DCHS1: variants seen among roughly 807,000 people sequenced by gnomAD.
DCHS1 encodes the protein protocadherin-16.
Under a neutral mutation model 213.9 loss-of-function variants are expected in DCHS1, and 78 were observed. The ratio of observed to expected loss-of-function variants is 0.36; its 90% CI spans 0.30 to 0.44. DCHS1 has a LOEUF of 0.44. Among genes scored for constraint, DCHS1 ranks in the 20% least tolerant of loss-of-function variants. DCHS1 has a pLI of 1.00. For synonymous variants in DCHS1, 1,828 were observed against 1,873.7 expected (o/e 0.98, Z 0.63); for missense variants, 3,946 against 4,395.9 (o/e 0.90, Z 2.89).
At chr11:6,637,060 G>GT (rs1349171535) in intron 2 of DCHS1, among the ~76,000 whole-genome samples, 5 of 152,270 alleles carry the variant, frequency 3.3e-5, no homozygotes, top group Admixed American at 3.3e-4. Context: ...CAGGGATTAA[G>GT]TAAGTCCTCA....
chr11:6,625,531 G>C lies in DCHS1; in HGVS notation c.6863-50C>G, dbSNP rs1425619862. The C allele has an allele frequency of 6.2e-7, 1 of 1,610,858 alleles. No homozygotes were observed. The highest frequency in any genetic ancestry group is 2.2e-5 in the East Asian group (1 of 44,882). On this transcript the variant is annotated intron_variant, in intron 18 of 20. Transcript: ENST00000299441. The surrounding 1 kb of genome is among the most constrained non-coding windows in gnomAD (Gnocchi z 5.3). ...TTGGCAATGGACACAGCCCCACCTT[G>C]AGCTGCAGGGTGGAGAAAAATGTCT...
At chr11:6,652,832 G>T (rs1052682449) in intron 1 of DCHS1, among the ~76,000 whole-genome samples, 3 of 152,118 alleles carry the variant, frequency 2.0e-5, no homozygotes, top group Non-Finnish European at 4.4e-5. Context: ...CACCATGTCT[G>T]CTTTGTCACT....
rs749130997 is a variant in DCHS1 at position 6,632,730 on chromosome 11, G to C, written c.2782C>G (p.Arg928Gly). The C allele has an allele frequency of 1.2e-6, 2 of 1,607,446 alleles. No homozygotes were observed. Among genetic ancestry groups the C allele is most frequent in the Admixed American group, 1.7e-5 (1 of 58,902 alleles). ...CCAGCAAGCAGGGTAAAGGTGACTC[G>C]ACTGTTAACACCTGAGTCGGGGTCA... ...ALDPDSGVNS[R>G]VTFTLLAGGG... Residue 928 changes from arginine (R) to glycine (G), a missense_variant, in exon 6 of 21, where the codon CGA becomes GGA. By Grantham distance (125) the Arg-to-Gly change is moderately radical (BLOSUM62 -2). This residue lies in a region of DCHS1 where 3,384 missense variants were observed against 3,780.1 expected (regional missense o/e 0.90). Transcript: ENST00000299441. The surrounding 1 kb of genome is among the most constrained non-coding windows in gnomAD (Gnocchi z 5.9).
chr11:6,623,821 C>G lies in DCHS1; in HGVS notation c.7855G>C (p.Ala2619Pro), dbSNP rs745847896. ...VTVPEDTPVG[A>P]ELLHVEASDA... ...GAGGCCTCTACATGCAGCAGCTCAG[C>G]TCCAACAGGTGTGTCCTCAGGTACT... Residue 2619 changes from alanine (A) to proline (P), a missense_variant, in exon 21 of 21, where the codon GCT becomes CCT. This residue lies in a region of DCHS1 where 3,384 missense variants were observed against 3,780.1 expected (regional missense o/e 0.90). Transcript: ENST00000299441. 2 of 1,613,736 alleles carry G rather than the reference C, an allele frequency of 1.2e-6. No homozygotes were observed. Among genetic ancestry groups the G allele is most frequent in the East Asian group, 4.5e-5 (2 of 44,882 alleles).
At chr11:6,624,940 G>C (rs2134614798) in intron 19 of DCHS1, 72 bp from the exon 20 acceptor site, 2 of 1,588,678 alleles carry the variant, frequency 1.3e-6, no homozygotes, top group East Asian at 2.3e-5. Flanking sequence ...CTGTTCTGGA[G>C]CTTGGTTCCT....
Position 6,641,562 on chromosome 11 carries a change from TG to T in DCHS1, c.51del (p.Arg18GlyfsTer43). The T allele has an allele frequency of 6.4e-7, 1 of 1,551,160 alleles. No homozygotes were observed. The highest frequency in any genetic ancestry group is 8.7e-7 in the Non-Finnish European group (1 of 1,147,228). Reference sequence around the variant, plus strand: ...AGCAATGGTAGCAGGAGGTGGGGCCTGGGGCTCTTCATGCCAGGGCAGGAAG... The same window carrying T: ...AGCAATGGTAGCAGGAGGTGGGGCCTGGGCTCTTCATGCCAGGGCAGGAAG... ...IVPSCPGMKSPRPHLLLPLLL... is the reference protein window; with the variant it reads ...IVPSCPGMKSXRPHLLLPLLL... On this transcript the variant is annotated frameshift_variant, in exon 2 of 21. Transcript: ENST00000299441. LOFTEE classifies it high-confidence loss of function. This position sits in a 1 kb window ranked among gnomAD's most constrained non-coding sequence, Gnocchi z 7.1.
chr11:6,626,743 A>C lies in DCHS1; in HGVS notation c.6250+46T>G, dbSNP rs532592410. The stretch of plus-strand genomic sequence containing the variant: ...GGGGACATTTTCAAAGCACAACCCC[A>C]GCCCATTTGGGAGTCTGAATCTGGA... On this transcript the variant is annotated intron_variant, in intron 14 of 20. Coordinates refer to ENST00000299441, the MANE Select transcript of DCHS1 (RefSeq NM_003737.4). This position sits in a 1 kb window ranked among gnomAD's most constrained non-coding sequence, Gnocchi z 5.2. 3 of 1,609,952 alleles carry C rather than the reference A, an allele frequency of 1.9e-6. No homozygotes were observed. The highest frequency in any genetic ancestry group is 1.3e-5 in the African/African-American group (1 of 75,000).
Position 6,641,119 on chromosome 11 carries a change from C to T in DCHS1, c.495G>A (p.Glu165=), listed in dbSNP as rs1370618525. 2.5e-6 allele frequency: 4 copies of T among 1,613,934 alleles called. No individual in the cohort carries two copies. The highest frequency in any genetic ancestry group is 2.2e-5 in the East Asian group (1 of 44,888). Residue 165 remains glutamate, a synonymous_variant, in exon 2 of 21, where the codon GAG becomes GAA. Transcript: ENST00000299441. This position sits in a 1 kb window ranked among gnomAD's most constrained non-coding sequence, Gnocchi z 7.1. The part of the protein sequence containing the change: ...HTAFGTRYPL[E]PARDADAGRL... Reference sequence around the variant, plus strand: ...GCCCAGCATCTGCATCACGAGCAGGCTCCAGTGGGTAGCGGGTGCCAAAAG... The same window carrying T: ...GCCCAGCATCTGCATCACGAGCAGGTTCCAGTGGGTAGCGGGTGCCAAAAG...
rs1197372915 is a variant in DCHS1, at chr11:6,626,558, T to C, written c.6358A>G (p.Ser2120Gly). The C allele has an allele frequency of 6.2e-7, 1 of 1,613,824 alleles. No homozygotes were observed. Among genetic ancestry groups the C allele is most frequent in the African/African-American group, 1.3e-5 (1 of 74,914 alleles). Residue 2120 changes from serine to glycine, a missense_variant, in exon 15 of 21, where the codon AGT becomes GGT. By Grantham distance (56) the Ser-to-Gly change is moderately conservative (BLOSUM62 0). This residue lies in a region of DCHS1 where 3,384 missense variants were observed against 3,780.1 expected (regional missense o/e 0.90). Coordinates refer to ENST00000299441, the MANE Select transcript of DCHS1 (RefSeq NM_003737.4). This position sits in a 1 kb window ranked among gnomAD's most constrained non-coding sequence, Gnocchi z 5.2. ...CCCTGCTCCTATTTCTTACCTGTAC[T>C]AGGCTGGATGGAGAATGTCCCTTTC... ...NEKGTFSIQP[S>G]TGAITVRSAE...
Position 6,624,798 on chromosome 11 carries a change from C to G in DCHS1, c.7217G>C (p.Gly2406Ala). The G allele has an allele frequency of 1.9e-6, 3 of 1,613,906 alleles. No homozygotes were observed. In the South Asian group the frequency reaches 3.3e-5, roughly 18 times the overall value. The change falls in exon 20 of 21, where the codon GGT (glycine) becomes GCT (alanine). Residue 2406 changes from glycine (G) to alanine (A), a missense_variant. Transcript: ENST00000299441. ...GTGGTAGGAAATGTGACCGTTGGCA[C>G]CTGAGTCCCGATCAGTGGCAGAGAC... Reference protein sequence around the residue: ...LSVSATDRDSGANGHISYHLA... With the variant: ...LSVSATDRDSAANGHISYHLA...
At position 6,641,219 on chromosome 11, in the gene DCHS1, C is replaced by T. The variant is rs771891400; in HGVS notation, c.395G>A (p.Arg132Gln). ...PDGATVEVTV[R>Q]VADINDHAPA... ...AGCATGGTCGTTGATGTCAGCCACT[C>T]GCACTGTAACTTCTACGGTGGCACC... The change falls in exon 2 of 21, where the codon CGA becomes CAA. Residue 132 changes from arginine (R) to glutamine (Q), a missense_variant. Physicochemically the swap from Arg to Gln is conservative, Grantham distance 43. Around this residue, in one of 3 missense-constraint regions of DCHS1, gnomAD observed 3,384 missense variants for 3,780.1 expected, o/e 0.90. Coordinates refer to ENST00000299441, the MANE Select transcript of DCHS1 (RefSeq NM_003737.4). This position sits in a 1 kb window ranked among gnomAD's most constrained non-coding sequence, Gnocchi z 7.1. 3.7e-6 allele frequency: 6 copies of T among 1,613,734 alleles called. No individual in the cohort carries two copies. The South Asian group carries it at 5.5e-5, about 15-fold the overall frequency.
At position 6,627,351 on chromosome 11, in the gene DCHS1, G is replaced by A. The variant is rs367857980; in HGVS notation, c.5688C>T (p.Ala1896=). 430 of 1,607,792 alleles carry A rather than the reference G, an allele frequency of 2.7e-4. No homozygotes were observed. The highest frequency in any genetic ancestry group is 2.7e-4 in the Non-Finnish European group (316 of 1,177,270). Residue 1896 remains alanine, a synonymous_variant, in exon 14 of 21, where the codon GCC becomes GCT. Transcript: ENST00000299441. This position sits in a 1 kb window ranked among gnomAD's most constrained non-coding sequence, Gnocchi z 5.4. ...ANGHVTYYLG[A]GTAGAFLLEP... ...CCAGCAGGAAGGCTCCTGCTGTACC[G>A]GCGCCCAGGTAGTAGGTCACATGGC...
At position 6,622,214 on chromosome 11, in the gene DCHS1, C is replaced by G. The variant is rs1350816071; in HGVS notation, c.9462G>C (p.Glu3154Asp). The change falls in exon 21 of 21, where the codon GAG becomes GAC. Residue 3154 changes from glutamate (E) to aspartate (D), a missense_variant. By Grantham distance (45) the Glu-to-Asp change is conservative (BLOSUM62 2). This residue lies in a region of DCHS1 where 554 missense variants were observed against 590.2 expected (regional missense o/e 0.94). Transcript: ENST00000299441. The surrounding 1 kb of genome is among the most constrained non-coding windows in gnomAD (Gnocchi z 5.4). ...AGTTATAGCTGCCACGGAGCTCCTCCTCGCCGGCCACAATGGCTGTCAGCG... is the reference window on the plus strand; with the variant it reads ...AGTTATAGCTGCCACGGAGCTCCTCGTCGCCGGCCACAATGGCTGTCAGCG... Reference protein sequence around the residue: ...AGALTAIVAGEEELRGSYNWD... With the variant: ...AGALTAIVAGDEELRGSYNWD... The G allele has an allele frequency of 6.2e-7, 1 of 1,601,316 alleles. No individual in the cohort carries two copies.
intron 1 of DCHS1, among the ~76,000 whole-genome samples, chr11:6,649,528 T>G: frequency 2.7e-5 from 4 of 148,560 alleles, no homozygotes; most frequent in Non-Finnish European, 4.5e-5. Context: ...GGAGAGGAGG[T>G]CGTAGGGTAC....
Position 6,631,072 on chromosome 11 carries a change from C to G in DCHS1, c.3911G>C (p.Ser1304Thr), listed in dbSNP as rs1296381025. 1 of 1,610,676 alleles carries G rather than the reference C, an allele frequency of 6.2e-7. No individual in the cohort carries two copies. Residue 1304 changes from serine to threonine, a missense_variant, in exon 9 of 21, where the codon AGC (serine) becomes ACC (threonine). Physicochemically the swap from Ser to Thr is moderately conservative, Grantham distance 58. Around this residue, in one of 3 missense-constraint regions of DCHS1, gnomAD observed 3,384 missense variants for 3,780.1 expected, o/e 0.90. Coordinates refer to ENST00000299441, the MANE Select transcript of DCHS1 (RefSeq NM_003737.4). Reference protein sequence around the residue: ...HDQGSPPRSASLQLLVQVLPS... With the variant: ...HDQGSPPRSATLQLLVQVLPS... ...CCATACCTGCACCAGCAGCTGGAGGCTGGCACTTCGAGGAGGGCTGCCTTG... is the reference window on the plus strand; with the variant it reads ...CCATACCTGCACCAGCAGCTGGAGGGTGGCACTTCGAGGAGGGCTGCCTTG...
chr11:6,640,450 G>A lies in DCHS1; in HGVS notation c.1164C>T (p.Ile388=). 6.2e-7 allele frequency: 1 copy of A among 1,613,902 alleles called. No individual in the cohort carries two copies. The highest frequency in any genetic ancestry group is 1.1e-5 in the South Asian group (1 of 91,080). Residue 388 remains isoleucine, a synonymous_variant, in exon 2 of 21, where the codon ATC becomes ATT. Coordinates refer to ENST00000299441, the MANE Select transcript of DCHS1 (RefSeq NM_003737.4). This position sits in a 1 kb window ranked among gnomAD's most constrained non-coding sequence, Gnocchi z 6.5. ...CACCATCATCTGGGTCTGACACAGA[G>A]ATGCGAGCAACGAGCTGTCCAGGTG... ...AAPPGQLVAR[I]SVSDPDDGDF... is the part of the protein sequence containing the mutation.
At position 6,626,446 on chromosome 11, in the gene DCHS1, C is replaced by T; in HGVS notation, c.6365-66G>A. Reference sequence around the variant, plus strand: ...TGCCCTGGAGCCTCCTTCTCTAAGACCCCTTACTCAAGGACAGCCCTTCAC... The same window carrying T: ...TGCCCTGGAGCCTCCTTCTCTAAGATCCCTTACTCAAGGACAGCCCTTCAC... On this transcript the variant is annotated intron_variant, in intron 15 of 20. Coordinates refer to ENST00000299441, the MANE Select transcript of DCHS1 (RefSeq NM_003737.4). This position sits in a 1 kb window ranked among gnomAD's most constrained non-coding sequence, Gnocchi z 5.2. The T allele has an allele frequency of 6.2e-7, 1 of 1,604,246 alleles. No individual in the cohort carries two copies. Among genetic ancestry groups the T allele is most frequent in the Non-Finnish European group, 8.5e-7 (1 of 1,173,522 alleles).
intron 1 of DCHS1, among the ~76,000 whole-genome samples, chr11:6,647,150 A>C (rs2134654880): frequency 6.6e-6 from 1 of 152,282 alleles, no homozygotes; most frequent in South Asian, 2.1e-4. Flanking sequence ...CAGTGAGCAA[A>C]GGGGTGAGGA....
At position 6,625,979 on chromosome 11, in the gene DCHS1, T is replaced by A; in HGVS notation, c.6672A>T (p.Pro2224=). The A allele has an allele frequency of 1.2e-6, 2 of 1,613,550 alleles. No homozygotes were observed. The change falls in exon 17 of 21, where the codon CCA becomes CCT. Residue 2224 remains proline, a synonymous_variant. Coordinates refer to ENST00000299441, the MANE Select transcript of DCHS1 (RefSeq NM_003737.4). The surrounding 1 kb of genome is among the most constrained non-coding windows in gnomAD (Gnocchi z 5.3). ...QPARGLFHVD[P]TTGTITTTAI... is the part of the protein sequence containing the mutation. ...CTGTGGTAGTGATAGTGCCTGTGGT[T>A]GGGTCTACGTGGAACAATCCACGTG...
Sources: allele counts gnomAD v4.1 joint callset (sites outside exome capture counted in the v4.1 genomes callset), GRCh38; gene constraint gnomAD v4.1.1; regional missense constraint gnomAD v4.1.1; non-coding constraint Gnocchi (gnomAD v3.1); transcripts MANE v1.5; gene names NCBI Gene and HGNC (gene_info 2026-07-23, HGNC 2026-07-21).